The following KCNA2 variants were observed in gnomAD, a reference collection of about 807,000 sequenced individuals.
The protein encoded by KCNA2 is potassium voltage-gated channel subfamily A member 2.
KCNA2 carries 11 observed loss-of-function variants against 33.4 expected under a neutral mutation model. That is an observed-to-expected ratio of 0.33 (90% CI 0.21 to 0.55). The LOEUF is 0.55. Ranked by LOEUF, KCNA2 falls within the 20% of genes least tolerant of loss-of-function variation. The probability of loss-of-function intolerance (pLI) is 0.93; values close to 1 mark genes in which losing one functional copy is unlikely to be tolerated. For missense variants in KCNA2, 291 were observed against 621.6 expected, an observed-to-expected ratio of 0.47 and a Z score of 5.66; for synonymous variants, 222 against 231.3, an observed-to-expected ratio of 0.96 and a Z score of 0.37.
At chr1:110,608,519 G>A (rs1266068986), upstream of KCNA2, among the ~76,000 whole-genome samples, 1 of 152,214 alleles carries the variant, frequency 6.6e-6, no homozygotes, top group Non-Finnish European at 1.5e-5. Context: ...GAAAGCCCAT[G>A]AAGCGGGACT....
At chr1:110,610,099 A>T (rs1426132803), upstream of KCNA2, among the ~76,000 whole-genome samples, 1 of 152,200 alleles carries the variant, frequency 6.6e-6, no homozygotes, top group Non-Finnish European at 1.5e-5. Context: ...TCCCTGGGGC[A>T]TGGTGAAAAT....
In KCNA2 at chr1:110,598,743, G is replaced by A; in HGVS notation, c.*4540C>T. ...ACTAGCCTCAGAAACACAGGTGAGA[G>A]GGACAGAGGCAAGCAGAGAAGAAGG... is the stretch of plus-strand genomic sequence containing the variant. On this transcript the variant is annotated 3_prime_UTR_variant, in exon 3 of 3. Transcript: ENST00000316361. 1.0e-6 allele frequency: 1 copy of A among 985,372 alleles called. No individual in the cohort carries two copies. Among genetic ancestry groups the A allele is most frequent in the Non-Finnish European group, 1.2e-6 (1 of 829,940 alleles). 61.0% of individuals were successfully genotyped at this position (985,372 alleles called of 1,614,324 possible).
Position 110,601,578 on chromosome 1 carries a change from G to A in KCNA2, c.*1705C>T, listed in dbSNP as rs1163327452. 4 of 989,364 alleles carry A rather than the reference G, an allele frequency of 4.0e-6. No individual in the cohort carries two copies. The highest frequency in any genetic ancestry group is 4.7e-5 in the South Asian group (1 of 21,344). 61.3% of individuals were successfully genotyped at this position (989,364 alleles called of 1,614,324 possible). On this transcript the variant is annotated 3_prime_UTR_variant, in exon 3 of 3. Coordinates refer to ENST00000316361, the MANE Select transcript of KCNA2 (RefSeq NM_004974.4). ...CTCAGTAAGACAAGCTTCAGCCATGGGAACTGAAGCTGCAGCACATGGAGG... is the reference window on the plus strand; with the variant it reads ...CTCAGTAAGACAAGCTTCAGCCATGAGAACTGAAGCTGCAGCACATGGAGG...
At chr1:110,619,406 C>T (rs1354354299) in intron 1 of KCNA2, among the ~76,000 whole-genome samples, 1 of 152,244 alleles carries the variant, frequency 6.6e-6, no homozygotes, top group Non-Finnish European at 1.5e-5. Context: ...ATGAAATCTG[C>T]TCCCACTCCC....
rs759666017 is a variant in KCNA2 at position 110,602,167 on chromosome 1, G to A, written c.*1116C>T. ...CTCTTCTGGCTTTGCAGAGGTCTGC[G>A]TTCCTGTTTAGAAGAACAGGGATAG... On this transcript the variant is annotated 3_prime_UTR_variant, in exon 3 of 3. Coordinates refer to ENST00000316361, the MANE Select transcript of KCNA2 (RefSeq NM_004974.4). 9.8e-5 allele frequency: 152 copies of A among 1,550,326 alleles called. 1 individual carries two copies. Among genetic ancestry groups the A allele is most frequent in the South Asian group, 2.4e-4 (20 of 84,066 alleles).
At chr1:110,621,122 G>A (rs1481003340) in intron 1 of KCNA2, among the ~76,000 whole-genome samples, 3 of 152,202 alleles carry the variant, frequency 2.0e-5, no homozygotes, top group Non-Finnish European at 2.9e-5. Context: ...TCCTGGGTGC[G>A]GATACTGGCT....
At chr1:110,611,358 C>A (rs1649866850), upstream of KCNA2, among the ~76,000 whole-genome samples, 1 of 152,228 alleles carries the variant, frequency 6.6e-6, no homozygotes, top group Admixed American at 6.5e-5. Context: ...GGGGCCCCTT[C>A]ATGGAGGCCT....
chr1:110,627,378 T>A (rs1401839453), intron 1 of KCNA2, among the ~76,000 whole-genome samples: 1 of 151,762 alleles, frequency 6.6e-6, no homozygotes, highest in Non-Finnish European at 1.5e-5. Flanking sequence ...CACAAAGTCC[T>A]TATAGTACCA....
At position 110,603,892 on chromosome 1, in the gene KCNA2, C is replaced by T. The variant is rs538914802; in HGVS notation, c.891G>A (p.Arg297=). Residue 297 remains arginine, a synonymous_variant, in exon 3 of 3, where the codon CGG becomes CGA. Coordinates refer to ENST00000316361, the MANE Select transcript of KCNA2 (RefSeq NM_004974.4). This position sits in a 1 kb window ranked among gnomAD's most constrained non-coding sequence, Gnocchi z 5.7. ...TGAAAATCCTAAAGACTCTTACCAA[C>T]CGGATGACACGGAGGATGGCCAGTG... is the stretch of plus-strand genomic sequence containing the variant. ...AMSLAILRVI[R]LVRVFRIFKL... The T allele has an allele frequency of 9.3e-6, 15 of 1,614,184 alleles. No individual in the cohort carries two copies. In the East Asian group the frequency reaches 3.3e-4, roughly 36 times the overall value.
In KCNA2 at chr1:110,613,215, C is replaced by T. The variant is rs552915967; in HGVS notation, c.-495-7493G>A. On this transcript the variant is annotated intron_variant, in intron 1 of 4. Transcript: ENST00000369770. ...TCTGACACTCAACTTATGTCACATCCTCCACGAAGCCTTTCTTAACCCTCT... is the reference window on the plus strand; with the variant it reads ...TCTGACACTCAACTTATGTCACATCTTCCACGAAGCCTTTCTTAACCCTCT... Among the ~76,000 whole-genome samples the T allele has an allele frequency of 3.3e-5, 5 of 152,320 alleles. 1 individual carries two copies. The South Asian group carries it at 8.3e-4, about 25-fold the overall frequency.
At position 110,600,864 on chromosome 1, in the gene KCNA2, T is replaced by G; in HGVS notation, c.*2419A>C. ...CAGGCACTAATGAGCACCCTGGGCC[T>G]AGCACCCTGAGCTGGTGCCCCATGC... On this transcript the variant is annotated 3_prime_UTR_variant, in exon 3 of 3. Coordinates refer to ENST00000316361, the MANE Select transcript of KCNA2 (RefSeq NM_004974.4). 1 of 985,470 alleles carries G rather than the reference T, an allele frequency of 1.0e-6. No individual in the cohort carries two copies. The highest frequency in any genetic ancestry group is 1.2e-6 in the Non-Finnish European group (1 of 829,972). The allele number at this position is 985,470 out of a possible 1,614,324, so 61.0% of individuals were successfully genotyped here.
chr1:110,605,040 T>C, intron 2 of KCNA2, 95 bp from the exon 3 acceptor site: 1 of 510,370 alleles, frequency 2.0e-6, no homozygotes, highest in East Asian at 3.2e-5. Context: ...CAGCCAAGAG[T>C]TCAGACACAT....
rs1648982900 is a variant in KCNA2 at position 110,594,108 on chromosome 1, G to C, written c.*9175C>G. On this transcript the variant is annotated 3_prime_UTR_variant, in exon 3 of 3. Coordinates refer to ENST00000316361, the MANE Select transcript of KCNA2 (RefSeq NM_004974.4). ...TACCATCAGCCTTGGAGTTCCTTCT[G>C]CTATTGATCCCAAGGAGGCTTATTT... is the stretch of plus-strand genomic sequence containing the variant. 7.1e-7 allele frequency: 1 copy of C among 1,401,044 alleles called. No individual in the cohort carries two copies. Among genetic ancestry groups the C allele is most frequent in the Non-Finnish European group, 9.2e-7 (1 of 1,083,094 alleles). 86.8% of individuals were successfully genotyped at this position (1,401,044 alleles called of 1,614,324 possible).
intron 1 of KCNA2, 32 bp from the exon 2 acceptor site, chr1:110,605,754 G>A (rs1649572407): frequency 6.6e-6 from 1 of 152,504 alleles, no homozygotes; most frequent in South Asian, 2.1e-4. Flanking sequence ...GTGGAACCAG[G>A]GCATTTGAAC....
At chr1:110,620,969 C>A (rs1308068633) in intron 1 of KCNA2, among the ~76,000 whole-genome samples, 1 of 152,194 alleles carries the variant, frequency 6.6e-6, no homozygotes, top group African/African-American at 2.4e-5. Flanking sequence ...AGAATTCAGC[C>A]CCAAGTAGAG....
At chr1:110,607,401 C>G (rs1447976138), upstream of KCNA2, 12 of 150,882 alleles carry the variant, frequency 8.0e-5, no homozygotes, top group South Asian at 5.9e-4. Context: ...CCGGCCGCCG[C>G]CCGCAGCCGC....
Position 110,605,425 on chromosome 1 carries a change from G to A in KCNA2, c.-198C>T, listed in dbSNP as rs1198740159. ...GACGTGAAGCTCTCTTCCTTGCAGA[G>A]CTGATCAGATGCTGCAGGAATCTGA... is the stretch of plus-strand genomic sequence containing the variant. On this transcript the variant is annotated 5_prime_UTR_variant, in exon 2 of 3. Transcript: ENST00000316361. 1 of 152,526 alleles carries A rather than the reference G, an allele frequency of 6.6e-6. No homozygotes were observed. The highest frequency in any genetic ancestry group is 2.4e-5 in the African/African-American group (1 of 41,448). 9.4% of individuals were successfully genotyped at this position (152,526 alleles called of 1,614,324 possible). A position where few individuals can be genotyped will look rare whatever the true frequency, so the allele number is the denominator to read the frequency against.
chr1:110,630,147 C>T (rs140279164), intron 1 of KCNA2, among the ~76,000 whole-genome samples: 6,141 of 151,684 alleles, frequency 0.04, 430 homozygotes, highest in African/African-American at 0.14. Flanking sequence ...TCCCAAGTAG[C>T]TGGGATTACA....
At chr1:110,619,946 C>T (rs546492814) in intron 1 of KCNA2, among the ~76,000 whole-genome samples, 1 of 152,152 alleles carries the variant, frequency 6.6e-6, no homozygotes, top group East Asian at 1.9e-4. Flanking sequence ...ACTTAACGTC[C>T]TAGGAGACCA....
Sources: allele counts gnomAD v4.1 joint callset (sites outside exome capture counted in the v4.1 genomes callset), GRCh38; gene constraint gnomAD v4.1.1; non-coding constraint Gnocchi (gnomAD v3.1); transcripts MANE v1.5; gene names NCBI Gene and HGNC (gene_info 2026-07-23, HGNC 2026-07-21).